PIR: variants seen among roughly 807,000 people sequenced by gnomAD.
PIR encodes pirin.
Under a neutral mutation model 24.2 loss-of-function variants are expected in PIR, and 22 were observed. The ratio of observed to expected loss-of-function variants is 0.91; its 90% CI spans 0.65 to 1.30. The LOEUF (loss-of-function observed/expected upper bound fraction) is 1.30. Ranked by LOEUF, PIR falls within the 50% of genes most tolerant of loss-of-function variation. The probability of loss-of-function intolerance (pLI) is 0.00; values close to 1 mark genes in which losing one functional copy is unlikely to be tolerated. For missense variants in PIR, 220 were observed against 220.3 expected (o/e 1.00, Z 0.01); for synonymous variants, 80 against 79.6 (o/e 1.00, Z -0.03).
At chrX:15,419,128 A>T (rs1236564291) in intron 6 of PIR, among the ~76,000 whole-genome samples, 2 of 111,644 alleles carry the variant, frequency 1.8e-5, no homozygotes, top group Admixed American at 1.9e-4. Context: ...GGTGGAAAAA[A>T]AAAAAAGACA....
chrX:15,406,927 G>C (rs934940644), intron 7 of PIR, among the ~76,000 whole-genome samples: 9 of 112,236 alleles, frequency 8.0e-5, no homozygotes, highest in African/African-American at 2.6e-4. Flanking sequence ...CTTGATTCTG[G>C]TCCCACATCC....
chrX:15,393,301 T>A (rs1924019218), intron 8 of PIR, among the ~76,000 whole-genome samples: 1 of 112,453 alleles, frequency 8.9e-6, no homozygotes, highest in African/African-American at 3.2e-5. Context: ...GTTCTGCTGA[T>A]ACCAACAATA....
At chrX:15,423,155 A>G (rs928167797) in intron 6 of PIR, among the ~76,000 whole-genome samples, 2 of 112,317 alleles carry the variant, frequency 1.8e-5, no homozygotes, top group Admixed American at 1.9e-4. Context: ...TAAATTTAAG[A>G]CCTCAAAATA....
At chrX:15,491,754 CAG>C (rs1468349562) in intron 1 of PIR, among the ~76,000 whole-genome samples, 2 of 111,254 alleles carry the variant, frequency 1.8e-5, no homozygotes, top group Non-Finnish European at 3.8e-5. Flanking sequence ...GCAGTTGCCT[CAG>C]TATTCAGTAC....
chrX:15,454,409 G>A (rs1921004365), intron 5 of PIR, among the ~76,000 whole-genome samples: 1 of 108,244 alleles, frequency 9.2e-6, no homozygotes, highest in African/African-American at 3.4e-5. Context: ...TGTCGTTGTT[G>A]TTCAATTACT....
At chrX:15,415,657 T>A (rs1286082241) in intron 6 of PIR, among the ~76,000 whole-genome samples, 2 of 111,980 alleles carry the variant, frequency 1.8e-5, no homozygotes, top group Admixed American at 9.5e-5. Context: ...ATGATAACTA[T>A]GTGAGGTAAT....
chrX:15,491,575 G>A (rs868836445), intron 1 of PIR, among the ~76,000 whole-genome samples: 15 of 111,399 alleles, frequency 1.3e-4, no homozygotes, highest in African/African-American at 4.6e-4. Flanking sequence ...GAAGGTTAGC[G>A]ATACAGTCAT....
At chrX:15,432,187 A>T (rs188445376) in intron 5 of PIR, among the ~76,000 whole-genome samples, 1 of 111,600 alleles carries the variant, frequency 9.0e-6, no homozygotes, top group Non-Finnish European at 1.9e-5. Flanking sequence ...AACCTATTTA[A>T]CTTTTCATTC....
chrX:15,486,811 T>A (rs1922860474), intron 2 of PIR, among the ~76,000 whole-genome samples: 1 of 111,730 alleles, frequency 9.0e-6, no homozygotes, highest in African/African-American at 3.3e-5. Context: ...CTGATAAGAG[T>A]GGAAGGCCAC....
At chrX:15,431,336 A>G (rs1925499197) in intron 5 of PIR, among the ~76,000 whole-genome samples, 1 of 111,580 alleles carries the variant, frequency 9.0e-6, no homozygotes, top group Non-Finnish European at 1.9e-5. Flanking sequence ...TTACATTTCT[A>G]TTTTTTTCCT....
intron 6 of PIR, among the ~76,000 whole-genome samples, chrX:15,416,485 C>T (rs969175929): frequency 9.0e-5 from 10 of 111,506 alleles, no homozygotes; most frequent in African/African-American, 2.6e-4. Context: ...GAAAAAAAAT[C>T]ACTACTTGTT....
At chrX:15,435,166 G>A (rs1253117671) in intron 5 of PIR, among the ~76,000 whole-genome samples, 1 of 109,815 alleles carries the variant, frequency 9.1e-6, no homozygotes, top group Non-Finnish European at 1.9e-5. Flanking sequence ...GACTGACATT[G>A]CATCACTGCA....
At chrX:15,407,146 C>T (rs1261256314) in intron 7 of PIR, among the ~76,000 whole-genome samples, 1 of 112,553 alleles carries the variant, frequency 8.9e-6, no homozygotes, top group Non-Finnish European at 1.9e-5. Context: ...CCATTTCCTT[C>T]TCCCAGGAGA....
At chrX:15,487,970 T>C (rs763200527) in intron 2 of PIR, among the ~76,000 whole-genome samples, 19 of 111,856 alleles carry the variant, frequency 1.7e-4, no homozygotes, top group Admixed American at 9.5e-5. Flanking sequence ...ACAGAAGCTT[T>C]GGTGCAGAGT....
intron 5 of PIR, among the ~76,000 whole-genome samples, chrX:15,436,685 A>G (rs768751632): frequency 5.3e-5 from 6 of 112,150 alleles, no homozygotes; most frequent in Admixed American, 3.8e-4. Context: ...ATTCCTCACA[A>G]GGCTTCTAAT....
intron 9 of PIR, among the ~76,000 whole-genome samples, chrX:15,385,489 A>G (rs1923713478): frequency 8.9e-6 from 1 of 112,342 alleles, no homozygotes; most frequent in Non-Finnish European, 1.9e-5. Context: ...CCCATCTGAT[A>G]CAAAGAACTG....
intron 2 of PIR, among the ~76,000 whole-genome samples, chrX:15,486,760 G>A (rs1183740507): frequency 1.8e-5 from 2 of 112,163 alleles, no homozygotes; most frequent in Non-Finnish European, 3.8e-5. Flanking sequence ...CACTAAGAAT[G>A]TACTAAGAAT....
intron 5 of PIR, among the ~76,000 whole-genome samples, chrX:15,440,588 A>T (rs761507494): frequency 9.0e-6 from 1 of 111,567 alleles, no homozygotes; most frequent in East Asian, 2.8e-4. Flanking sequence ...CCACTTGCCA[A>T]ACATGAAGTT....
At chrX:15,433,596 G>A (rs1343389584) in intron 5 of PIR, among the ~76,000 whole-genome samples, 1 of 101,979 alleles carries the variant, frequency 9.8e-6, no homozygotes, top group African/African-American at 3.6e-5. Flanking sequence ...GGAGGAAGGA[G>A]AAAGAGAGGA....
Sources: allele counts gnomAD v4.1 joint callset (sites outside exome capture counted in the v4.1 genomes callset), GRCh38; gene constraint gnomAD v4.1.1; transcripts MANE v1.5; gene names NCBI Gene and HGNC (gene_info 2026-07-23, HGNC 2026-07-21).